Variants in PCCA observed in about 807,000 individuals in gnomAD.
The protein encoded by PCCA is propionyl-CoA carboxylase subunit alpha.
In PCCA, 74 loss-of-function variants were observed where a neutral mutation model predicts 101.3. That is an observed-to-expected ratio of 0.73 (90% CI 0.61 to 0.89). The LOEUF (loss-of-function observed/expected upper bound fraction) is 0.89. PCCA is among the 40% of genes least tolerant of loss of function. The probability of loss-of-function intolerance (pLI) is 0.00; values close to 1 mark genes in which losing one functional copy is unlikely to be tolerated. For missense variants in PCCA, 891 were observed against 907.0 expected (o/e 0.98, Z 0.23); for synonymous variants, 294 against 313.6 (o/e 0.94, Z 0.66).
At chr13:100,126,973 G>A (rs1462342388) in intron 4 of PCCA, among the ~76,000 whole-genome samples, 1 of 152,182 alleles carries the variant, frequency 6.6e-6, no homozygotes, top group Non-Finnish European at 1.5e-5. Context: ...AGCATCAGAA[G>A]TAAAACTTGC....
At chr13:100,339,697 G>A (rs1368031005) in intron 17 of PCCA, among the ~76,000 whole-genome samples, 3 of 152,090 alleles carry the variant, frequency 2.0e-5, no homozygotes, top group African/African-American at 7.2e-5. Flanking sequence ...TTGGATCTTC[G>A]CACCAGAAAG....
At chr13:100,205,195 G>C (rs757090921) in intron 6 of PCCA, among the ~76,000 whole-genome samples, 3 of 152,148 alleles carry the variant, frequency 2.0e-5, no homozygotes, top group Non-Finnish European at 2.9e-5. Context: ...GAGTATCGAA[G>C]GTTACTAGTG....
At chr13:100,170,661 G>T (rs1056847561) in intron 6 of PCCA, among the ~76,000 whole-genome samples, 17 of 152,160 alleles carry the variant, frequency 1.1e-4, no homozygotes, top group Admixed American at 7.2e-4. Flanking sequence ...AGTCCTTTAT[G>T]TGCTAGTTGA....
intron 12 of PCCA, among the ~76,000 whole-genome samples, chr13:100,275,672 C>A (rs886595284): frequency 2.0e-5 from 3 of 151,938 alleles, no homozygotes; most frequent in Non-Finnish European, 4.4e-5. Context: ...CAATCTCTGG[C>A]CTTTTTCCTT....
intron 4 of PCCA, among the ~76,000 whole-genome samples, chr13:100,131,067 T>C (rs1047136383): frequency 6.6e-6 from 1 of 152,106 alleles, no homozygotes; most frequent in Non-Finnish European, 1.5e-5. Context: ...TTATTTTCTA[T>C]AGAAAAAACT....
chr13:100,429,410 A>T (rs2079383862), intron 20 of PCCA, among the ~76,000 whole-genome samples: 1 of 152,062 alleles, frequency 6.6e-6, no homozygotes, highest in Non-Finnish European at 1.5e-5. Context: ...TACAGTAATC[A>T]CTTGAAATTG....
intron 21 of PCCA, among the ~76,000 whole-genome samples, chr13:100,458,789 A>C (rs1595991594): frequency 1.3e-5 from 2 of 152,176 alleles, no homozygotes; most frequent in African/African-American, 4.8e-5. Flanking sequence ...GTGTACATAC[A>C]AGTACTCAGG....
At chr13:100,206,803 C>T (rs1157360299) in intron 6 of PCCA, among the ~76,000 whole-genome samples, 3 of 152,186 alleles carry the variant, frequency 2.0e-5, no homozygotes, top group Non-Finnish European at 4.4e-5. Flanking sequence ...TTCTGACCTT[C>T]TCTGAACCAG....
At chr13:100,463,926 A>G (rs1003172128) in intron 21 of PCCA, among the ~76,000 whole-genome samples, 5 of 152,216 alleles carry the variant, frequency 3.3e-5, no homozygotes, top group African/African-American at 1.2e-4. Flanking sequence ...AGTTATTTCA[A>G]AGTATCTCAG....
chr13:100,382,342 C>A (rs1368945259), intron 19 of PCCA, among the ~76,000 whole-genome samples: 2 of 152,188 alleles, frequency 1.3e-5, no homozygotes, highest in Non-Finnish European at 2.9e-5. Context: ...TTCTCTCCAA[C>A]ATTCAGCTGC....
chr13:100,470,354 C>T lies in PCCA; in HGVS notation c.1899+21049C>T, dbSNP rs2082906057. 2.0e-5 allele frequency among the ~76,000 whole-genome samples: 3 copies of T among 152,168 alleles called. No individual in the cohort carries two copies. In the South Asian group the frequency reaches 6.2e-4, roughly 32 times the overall value. Reference sequence around the variant, plus strand: ...GGAAGGGTCAAAGAAAAGACAGTAGCTTATGTTTATGGCGGGCACCTCTCA... The same window carrying T: ...GGAAGGGTCAAAGAAAAGACAGTAGTTTATGTTTATGGCGGGCACCTCTCA... On this transcript the variant is annotated intron_variant, in intron 21 of 23. Transcript: ENST00000376285.
chr13:100,212,474 A>G (rs946947234), intron 7 of PCCA, among the ~76,000 whole-genome samples: 1 of 152,176 alleles, frequency 6.6e-6, no homozygotes, highest in African/African-American at 2.4e-5. Flanking sequence ...TCCGCCTAGG[A>G]AGGTGGTGGC....
At chr13:100,144,097 A>G (rs961444516) in intron 4 of PCCA, among the ~76,000 whole-genome samples, 1 of 150,796 alleles carries the variant, frequency 6.6e-6, no homozygotes, top group Non-Finnish European at 1.5e-5. Context: ...ATTTCATACC[A>G]CTGCTTGGTG....
chr13:100,452,870 A>G (rs886341577), intron 21 of PCCA, among the ~76,000 whole-genome samples: 13 of 152,072 alleles, frequency 8.5e-5, no homozygotes, highest in African/African-American at 2.7e-4. Context: ...AAATTGGCCA[A>G]TGTAGGACCT....
At chr13:100,436,057 A>AG (rs892304218) in intron 20 of PCCA, among the ~76,000 whole-genome samples, 21 of 151,598 alleles carry the variant, frequency 1.4e-4, no homozygotes, top group South Asian at 6.3e-4. Flanking sequence ...TAAAAAAAAA[A>AG]AGAGAGAGAG....
chr13:100,509,794 T>C (rs1194497636), intron 21 of PCCA, among the ~76,000 whole-genome samples: 1 of 150,760 alleles, frequency 6.6e-6, no homozygotes, highest in African/African-American at 2.4e-5. Context: ...TAAGCCAGCA[T>C]AGTGGTGGTG....
At chr13:100,263,843 GTATA>G (rs71777843) in intron 10 of PCCA, among the ~76,000 whole-genome samples, 9 of 144,748 alleles carry the variant, frequency 6.2e-5, no homozygotes, top group Non-Finnish European at 1.1e-4. Flanking sequence ...TCTGTATATC[GTATA>G]TATATATATG....
At chr13:100,468,196 G>T (rs965060578) in intron 21 of PCCA, among the ~76,000 whole-genome samples, 1 of 152,202 alleles carries the variant, frequency 6.6e-6, no homozygotes, top group South Asian at 2.1e-4. Flanking sequence ...GCCCTAAACA[G>T]ATGTGCTGTC....
At chr13:100,402,675 G>A (rs2077438494) in intron 19 of PCCA, among the ~76,000 whole-genome samples, 1 of 152,126 alleles carries the variant, frequency 6.6e-6, no homozygotes, top group South Asian at 2.1e-4. Context: ...GAGATTCAGA[G>A]CAAGGAAAGA....
Sources: allele counts gnomAD v4.1 joint callset (sites outside exome capture counted in the v4.1 genomes callset), GRCh38; gene constraint gnomAD v4.1.1; transcripts MANE v1.5; gene names NCBI Gene and HGNC (gene_info 2026-07-23, HGNC 2026-07-21).